Variants in STXBP5L observed in about 807,000 individuals in gnomAD.
The protein encoded by STXBP5L is syntaxin-binding protein 5-like.
A neutral mutation model predicts 144.5 loss-of-function variants in STXBP5L; 65 were observed. That is an observed-to-expected ratio of 0.45 (90% CI 0.37 to 0.55). STXBP5L has a LOEUF of 0.55. Ranked by LOEUF, STXBP5L falls within the 20% of genes least tolerant of loss-of-function variation. STXBP5L has a pLI of 0.00. For synonymous variants in STXBP5L, 505 were observed against 469.6 expected (o/e 1.08, Z -0.97); for missense variants, 1,298 against 1,405.5 (o/e 0.92, Z 1.22).
At chr3:121,207,061 A>G (rs2048363791) in intron 10 of STXBP5L, among the ~76,000 whole-genome samples, 2 of 152,082 alleles carry the variant, frequency 1.3e-5, no homozygotes, top group South Asian at 4.1e-4. Flanking sequence ...TAATAGTACA[A>G]AATTATGCTC....
chr3:120,957,841 T>A (rs546452129), intron 3 of STXBP5L, among the ~76,000 whole-genome samples: 1 of 151,958 alleles, frequency 6.6e-6, no homozygotes, highest in African/African-American at 2.4e-5. Flanking sequence ...ACATCACAAT[T>A]AAAAGAACTA....
intron 22 of STXBP5L, among the ~76,000 whole-genome samples, chr3:121,398,399 A>G (rs1003400968): frequency 2.0e-5 from 3 of 152,222 alleles, no homozygotes; most frequent in African/African-American, 7.2e-5. Context: ...GATATTGTAC[A>G]GGGGTGAGGG....
chr3:121,211,356 A>G (rs1309688248), intron 10 of STXBP5L, among the ~76,000 whole-genome samples: 1 of 152,114 alleles, frequency 6.6e-6, no homozygotes, highest in African/African-American at 2.4e-5. Flanking sequence ...CTAAATATAC[A>G]ATCATGTCAT....
At chr3:121,111,176 T>C (rs919308973) in intron 5 of STXBP5L, among the ~76,000 whole-genome samples, 3 of 152,204 alleles carry the variant, frequency 2.0e-5, no homozygotes, top group Non-Finnish European at 4.4e-5. Flanking sequence ...TGCATTGGGT[T>C]AGAACATGCT....
At chr3:121,302,819 G>T (rs1213978144) in intron 19 of STXBP5L, among the ~76,000 whole-genome samples, 2 of 152,148 alleles carry the variant, frequency 1.3e-5, no homozygotes, top group Non-Finnish European at 2.9e-5. Context: ...GGGAAAACTG[G>T]CTAGCCATCT....
At chr3:121,384,013 TTAAA>T (rs1186285983) in intron 22 of STXBP5L, among the ~76,000 whole-genome samples, 1 of 152,286 alleles carries the variant, frequency 6.6e-6, no homozygotes, top group African/African-American at 2.4e-5. Context: ...GAGAACGTTG[TTAAA>T]TAAACTTTTG....
At chr3:121,396,951 C>T (rs548846909) in intron 22 of STXBP5L, among the ~76,000 whole-genome samples, 1 of 152,254 alleles carries the variant, frequency 6.6e-6, no homozygotes, top group Admixed American at 6.5e-5. Context: ...TGGAATGAAC[C>T]ACATATGAAG....
At position 120,909,700 on chromosome 3, in the gene STXBP5L, G is replaced by A. The variant is rs761258495; in HGVS notation, c.122G>A (p.Gly41Glu). The change falls in exon 2 of 27, where the codon GGG (glycine) becomes GAG (glutamate). Residue 41 changes from glycine (G) to glutamate (E), a missense_variant. Physicochemically the swap from Gly to Glu is moderately conservative, Grantham distance 98. Coordinates refer to ENST00000471454, the MANE Select transcript of STXBP5L (RefSeq NM_001308330.2). Reference protein sequence around the residue: ...GAGSGSVHPAGTAGVLREEIQ... With the variant: ...GAGSGSVHPAETAGVLREEIQ... ...GGAAGTGGTTCCGTACATCCGGCGG[G>A]GACTGCAGGGGTTCTCAGAGAGGAA... is the stretch of plus-strand genomic sequence containing the variant. 2.5e-6 allele frequency: 4 copies of A among 1,611,186 alleles called. No individual in the cohort carries two copies. The highest frequency in any genetic ancestry group is 3.4e-6 in the Non-Finnish European group (4 of 1,179,294).
intron 9 of STXBP5L, 85 bp downstream of exon 9, chr3:121,157,712 G>A: frequency 1.3e-6 from 2 of 1,507,200 alleles, no homozygotes; most frequent in South Asian, 2.6e-5. Flanking sequence ...AATGCGTTTG[G>A]TAGAAAAAAG....
intron 9 of STXBP5L, among the ~76,000 whole-genome samples, chr3:121,201,425 G>C (rs905382774): frequency 2.0e-4 from 31 of 152,046 alleles, no homozygotes; most frequent in Middle Eastern, 3.2e-3. Context: ...TGTGAGATGG[G>C]TCTCCTGATG....
At chr3:121,058,649 C>T (rs1045455115) in intron 5 of STXBP5L, among the ~76,000 whole-genome samples, 1 of 152,168 alleles carries the variant, frequency 6.6e-6, no homozygotes, top group Non-Finnish European at 1.5e-5. Flanking sequence ...TGTTTCCTGA[C>T]TTTTTAATCA....
intron 2 of STXBP5L, among the ~76,000 whole-genome samples, chr3:120,934,246 C>T (rs992100694): frequency 9.2e-5 from 14 of 151,990 alleles, no homozygotes; most frequent in African/African-American, 3.4e-4. Context: ...CATATGACTT[C>T]TTTGACCCAT....
At chr3:121,328,116 C>T (rs1320459803) in intron 20 of STXBP5L, among the ~76,000 whole-genome samples, 1 of 152,150 alleles carries the variant, frequency 6.6e-6, no homozygotes, top group African/African-American at 2.4e-5. Flanking sequence ...ATCAAGTGTG[C>T]TGTTTAATGC....
At chr3:121,004,556 T>C (rs1391986786) in intron 3 of STXBP5L, among the ~76,000 whole-genome samples, 2 of 152,000 alleles carry the variant, frequency 1.3e-5, no homozygotes, top group East Asian at 1.9e-4. Context: ...TTCTCCTGCC[T>C]GATTGCCCTG....
intron 19 of STXBP5L, among the ~76,000 whole-genome samples, chr3:121,286,949 T>C (rs1352411691): frequency 6.6e-6 from 1 of 152,130 alleles, no homozygotes; most frequent in Non-Finnish European, 1.5e-5. Context: ...CACTGAGCTT[T>C]TTAGGCTGGG....
At chr3:121,187,674 C>G (rs1049186865) in intron 9 of STXBP5L, among the ~76,000 whole-genome samples, 3 of 151,366 alleles carry the variant, frequency 2.0e-5, no homozygotes, top group Admixed American at 2.0e-4. Flanking sequence ...AAGACATGAT[C>G]AAATTCACAC....
chr3:121,064,610 G>A (rs998664192), intron 5 of STXBP5L, among the ~76,000 whole-genome samples: 1 of 152,156 alleles, frequency 6.6e-6, no homozygotes, highest in Admixed American at 6.5e-5. Flanking sequence ...TTCAGTCTGT[G>A]GACATATGTT....
intron 20 of STXBP5L, among the ~76,000 whole-genome samples, chr3:121,351,914 T>G (rs1256373603): frequency 6.6e-6 from 1 of 152,138 alleles, no homozygotes; most frequent in Non-Finnish European, 1.5e-5. Flanking sequence ...CTAGCCAGTT[T>G]TCCCAGCACC....
chr3:121,059,195 A>T (rs548454549), intron 5 of STXBP5L, among the ~76,000 whole-genome samples: 1 of 152,332 alleles, frequency 6.6e-6, no homozygotes, highest in East Asian at 1.9e-4. Context: ...GGATGTGGCT[A>T]GCCAGTTTTC....
Sources: allele counts gnomAD v4.1 joint callset (sites outside exome capture counted in the v4.1 genomes callset), GRCh38; gene constraint gnomAD v4.1.1; transcripts MANE v1.5; gene names NCBI Gene and HGNC (gene_info 2026-07-23, HGNC 2026-07-21).